Variants in FCHSD2 observed in about 807,000 individuals in gnomAD.
FCHSD2 encodes the protein FCH and double SH3 domains 2.
Under a neutral mutation model 108.1 loss-of-function variants are expected in FCHSD2, and 38 were observed. That is an observed-to-expected ratio of 0.35 (90% CI 0.27 to 0.46). The LOEUF (loss-of-function observed/expected upper bound fraction) is 0.46, where lower values mean the gene tolerates loss of function less well. FCHSD2 is among the 20% of genes least tolerant of loss of function. The probability of loss-of-function intolerance (pLI) is 1.00; values close to 1 mark genes in which losing one functional copy is unlikely to be tolerated. For synonymous variants in FCHSD2, 279 were observed against 314.7 expected, an observed-to-expected ratio of 0.89 and a Z score of 1.20; for missense variants, 751 against 897.8, an observed-to-expected ratio of 0.84 and a Z score of 2.09.
intron 3 of FCHSD2, among the ~76,000 whole-genome samples, chr11:73,083,039 T>C (rs1859733012): frequency 6.6e-6 from 1 of 152,140 alleles, no homozygotes; most frequent in Non-Finnish European, 1.5e-5. Flanking sequence ...ATCAACACAG[T>C]CATAATGAGA....
chr11:72,841,661 A>G, intron 17 of FCHSD2, 78 bp from the exon 18 acceptor site: 1 of 1,384,396 alleles, frequency 7.2e-7, no homozygotes, highest in Non-Finnish European at 9.6e-7. Flanking sequence ...ACTGCTCTGT[A>G]CTCATGCCTT....
At chr11:72,847,720 T>A (rs1189193360) in intron 14 of FCHSD2, among the ~76,000 whole-genome samples, 1 of 140,006 alleles carries the variant, frequency 7.1e-6, no homozygotes, top group African/African-American at 2.7e-5. Flanking sequence ...TGAGACAGAG[T>A]CTCGCTCTGT....
intron 13 of FCHSD2, among the ~76,000 whole-genome samples, chr11:72,850,717 G>T (rs886596304): frequency 5.9e-5 from 9 of 151,976 alleles, no homozygotes; most frequent in Non-Finnish European, 1.3e-4. Context: ...ATATTTATCA[G>T]TATCCTTTCA....
At chr11:73,021,645 A>G (rs1858107831) in intron 3 of FCHSD2, among the ~76,000 whole-genome samples, 1 of 152,146 alleles carries the variant, frequency 6.6e-6, no homozygotes, top group Admixed American at 6.5e-5. Flanking sequence ...TAATCTGTAC[A>G]ACAAACCCCT....
chr11:73,121,234 T>C (rs577955608), intron 2 of FCHSD2, among the ~76,000 whole-genome samples: 118 of 152,156 alleles, frequency 7.8e-4, no homozygotes, highest in African/African-American at 2.6e-3. Flanking sequence ...ATTATTTGCT[T>C]CTGCTTATTC....
chr11:73,067,360 T>C (rs1859320872), intron 3 of FCHSD2, among the ~76,000 whole-genome samples: 2 of 151,892 alleles, frequency 1.3e-5, no homozygotes, highest in African/African-American at 2.4e-5. Context: ...TGGATAACAT[T>C]AGGAGAAATA....
intron 3 of FCHSD2, among the ~76,000 whole-genome samples, chr11:73,032,651 A>G (rs1364224035): frequency 6.6e-6 from 1 of 152,086 alleles, no homozygotes. Flanking sequence ...GTATTACAAC[A>G]GGAAAGTATA....
At chr11:73,040,444 T>G (rs1052094223) in intron 3 of FCHSD2, among the ~76,000 whole-genome samples, 4 of 152,230 alleles carry the variant, frequency 2.6e-5, no homozygotes, top group African/African-American at 9.6e-5. Flanking sequence ...CTGGTGTATA[T>G]TTCTCAAACA....
chr11:73,138,380 A>G (rs1438377647), intron 2 of FCHSD2, among the ~76,000 whole-genome samples: 1 of 152,164 alleles, frequency 6.6e-6, no homozygotes, highest in African/African-American at 2.4e-5. Context: ...TGGAGACAAA[A>G]CGCAATCAAG....
chr11:73,059,933 TA>T (rs1859121758), intron 3 of FCHSD2, among the ~76,000 whole-genome samples: 2 of 152,364 alleles, frequency 1.3e-5, no homozygotes, highest in South Asian at 4.1e-4. Context: ...AATTCTACCC[TA>T]AACTGTACCT....
intron 2 of FCHSD2, among the ~76,000 whole-genome samples, chr11:73,120,225 A>T (rs1860699101): frequency 1.3e-5 from 2 of 152,226 alleles, no homozygotes; most frequent in Non-Finnish European, 2.9e-5. Flanking sequence ...CCCAGGCCAC[A>T]TCTGACACTT....
chr11:72,906,276 G>C (rs1855628751), intron 9 of FCHSD2, among the ~76,000 whole-genome samples: 1 of 152,070 alleles, frequency 6.6e-6, no homozygotes. Flanking sequence ...TGATGGCGTT[G>C]TTTTTTTCTT....
chr11:72,884,089 G>C (rs1419348609), intron 12 of FCHSD2, among the ~76,000 whole-genome samples: 5 of 151,940 alleles, frequency 3.3e-5, no homozygotes, highest in Admixed American at 2.0e-4. Flanking sequence ...ACCTTATTAA[G>C]AGACCACTCT....
intron 14 of FCHSD2, 77 bp downstream of exon 14, chr11:72,849,678 G>A: frequency 1.8e-6 from 2 of 1,125,034 alleles, no homozygotes; most frequent in South Asian, 1.4e-5. Context: ...TACAGCTTGA[G>A]AGACTGGATG....
chr11:72,900,165 A>G (rs529674886), intron 10 of FCHSD2: 5 of 840,728 alleles, frequency 5.9e-6, no homozygotes, highest in East Asian at 5.4e-5. Context: ...ATGTATATAC[A>G]TAACTTTCAT....
intron 2 of FCHSD2, among the ~76,000 whole-genome samples, chr11:73,121,000 A>C (rs943383246): frequency 1.3e-5 from 2 of 152,138 alleles, no homozygotes; most frequent in East Asian, 3.8e-4. Flanking sequence ...TGTTTAGACA[A>C]GAGGCAGAGA....
At chr11:73,038,882 C>A (rs1282408696) in intron 3 of FCHSD2, among the ~76,000 whole-genome samples, 1 of 152,086 alleles carries the variant, frequency 6.6e-6, no homozygotes, top group Non-Finnish European at 1.5e-5. Context: ...AGTAATAAGG[C>A]CAATATCCAT....
chr11:72,943,417 G>C (rs1856459313), intron 8 of FCHSD2, among the ~76,000 whole-genome samples: 1 of 152,228 alleles, frequency 6.6e-6, no homozygotes, highest in Non-Finnish European at 1.5e-5. Context: ...GGAGAGGTTT[G>C]AGTAGGAAAG....
intron 3 of FCHSD2, among the ~76,000 whole-genome samples, chr11:73,041,962 C>G (rs566095515): frequency 6.6e-6 from 1 of 152,170 alleles, no homozygotes; most frequent in Admixed American, 6.5e-5. Context: ...GAGTCTCACT[C>G]GTCACCCAGG....
Sources: allele counts gnomAD v4.1 joint callset (sites outside exome capture counted in the v4.1 genomes callset), GRCh38; gene constraint gnomAD v4.1.1; transcripts MANE v1.5; gene names NCBI Gene and HGNC (gene_info 2026-07-23, HGNC 2026-07-21).